The following KLHL7 variants were observed in gnomAD, a reference collection of about 807,000 sequenced individuals.
The protein encoded by KLHL7 is kelch-like protein 7.
KLHL7 carries 44 observed loss-of-function variants against 67.4 expected under a neutral mutation model. The ratio of observed to expected loss-of-function variants is 0.65; its 90% CI spans 0.51 to 0.84. The LOEUF (loss-of-function observed/expected upper bound fraction) is 0.84. Among genes scored for constraint, KLHL7 ranks in the 40% least tolerant of loss-of-function variants. KLHL7 has a pLI of 0.00. For synonymous variants in KLHL7, 252 were observed against 243.3 expected (o/e 1.04, Z -0.33); for missense variants, 362 against 718.1 (o/e 0.50, Z 5.67).
rs1783450434 is a variant in KLHL7, at chr7:23,123,821, A to G, written c.165A>G (p.Ile55Met). 3.7e-6 allele frequency: 6 copies of G among 1,613,802 alleles called. No individual in the cohort carries two copies. The highest frequency in any genetic ancestry group is 1.3e-5 in the African/African-American group (1 of 75,040). ...DVILMVQERK[I>M]PAHRVVLAAA... ...TCCTCATGGTCCAGGAAAGAAAGAT[A>G]CCTGCTCATCGTGTTGTTCTTGCTG... The change falls in exon 2 of 11, where the codon ATA becomes ATG. Residue 55 changes from isoleucine (I) to methionine (M), a missense_variant. Ile to Met is a conservative substitution (Grantham distance 10, BLOSUM62 1). Transcript: ENST00000339077.
intron 1 of KLHL7, among the ~76,000 whole-genome samples, chr7:23,121,097 C>G (rs993598381): frequency 5.3e-5 from 8 of 152,188 alleles, no homozygotes; most frequent in Admixed American, 3.3e-4. Context: ...ATTTAACTTT[C>G]TGTTCCTAGC....
chr7:23,124,638 C>G, intron 2 of KLHL7, 50 bp from the exon 3 acceptor site: 2 of 1,136,546 alleles, frequency 1.8e-6, no homozygotes, highest in Admixed American at 1.7e-5. Flanking sequence ...GTTCCTCAGT[C>G]AAACTTGTGG....
At chr7:23,141,709 T>G (rs996525106) in intron 5 of KLHL7, among the ~76,000 whole-genome samples, 1 of 149,264 alleles carries the variant, frequency 6.7e-6, no homozygotes, top group Non-Finnish European at 1.5e-5. Flanking sequence ...TGCAAGCTCC[T>G]TCTCCCGAGT....
intron 8 of KLHL7, among the ~76,000 whole-genome samples, chr7:23,166,260 A>G (rs1235720581): frequency 2.6e-5 from 4 of 152,198 alleles, no homozygotes; most frequent in African/African-American, 9.6e-5. Context: ...TCAGAGTTCA[A>G]CTTATAGACT....
At chr7:23,137,776 G>C (rs1784032451) in intron 4 of KLHL7, among the ~76,000 whole-genome samples, 2 of 148,140 alleles carry the variant, frequency 1.4e-5, no homozygotes, top group South Asian at 4.4e-4. Context: ...ACCACGCCTG[G>C]CCAGGTTTTA....
Position 23,174,477 on chromosome 7 carries a change from T to G in KLHL7, c.*179T>G. 1.4e-6 allele frequency: 1 copy of G among 730,758 alleles called. No homozygotes were observed. Among genetic ancestry groups the G allele is most frequent in the Non-Finnish European group, 2.4e-6 (1 of 414,528 alleles). 45.3% of individuals were successfully genotyped at this position (730,758 alleles called of 1,614,324 possible). A position where few individuals can be genotyped will look rare whatever the true frequency, so the allele number is the denominator to read the frequency against. On this transcript the variant is annotated 3_prime_UTR_variant, in exon 11 of 11. Transcript: ENST00000339077. ...GGATTTCCTTAATTCAAAGATCATA[T>G]TTTAGCTGGCCACAAAACCAAGAAC... is the stretch of plus-strand genomic sequence containing the variant.
chr7:23,170,458 A>G (rs1208980423), intron 9 of KLHL7, among the ~76,000 whole-genome samples: 1 of 152,240 alleles, frequency 6.6e-6, no homozygotes, highest in African/African-American at 2.4e-5. Flanking sequence ...AGGTTGGTTA[A>G]CAAGTACAGA....
At chr7:23,166,015 C>T (rs858312) in intron 8 of KLHL7, 77 bp downstream of exon 8, 63,238 of 1,467,370 alleles carry the variant, frequency 0.043, 1,664 homozygotes, top group South Asian at 0.083. Context: ...TTTAAATAAA[C>T]AGCTGGTATT....
intron 1 of KLHL7, among the ~76,000 whole-genome samples, chr7:23,118,873 A>G (rs2128458632): frequency 6.6e-6 from 1 of 152,052 alleles, no homozygotes; most frequent in East Asian, 1.9e-4. Context: ...GGAGTTGGAG[A>G]CCAGCCTGGG....
At chr7:23,121,925 G>A (rs56090959) in intron 1 of KLHL7, among the ~76,000 whole-genome samples, 3,401 of 151,940 alleles carry the variant, frequency 0.022, 140 homozygotes, top group African/African-American at 0.077. Context: ...CTTGTGATCC[G>A]CCCGCCTCAG....
At chr7:23,138,430 C>G (rs1373526281) in intron 4 of KLHL7, among the ~76,000 whole-genome samples, 1 of 139,622 alleles carries the variant, frequency 7.2e-6, no homozygotes, top group Non-Finnish European at 1.5e-5. Flanking sequence ...CCACTGCACT[C>G]CAGCCTGGGC....
At chr7:23,172,287 CT>C (rs1238666349) in intron 9 of KLHL7, 2 of 411,798 alleles carry the variant, frequency 4.9e-6, no homozygotes, top group Admixed American at 5.6e-5. Context: ...AATTAATATC[CT>C]TTAACACTTG....
At chr7:23,161,458 A>T (rs1784852333) in intron 7 of KLHL7, among the ~76,000 whole-genome samples, 1 of 152,218 alleles carries the variant, frequency 6.6e-6, no homozygotes, top group Non-Finnish European at 1.5e-5. Flanking sequence ...GCAGTGAATT[A>T]CCTTTATATC....
intron 4 of KLHL7, among the ~76,000 whole-genome samples, chr7:23,132,213 T>C (rs181663835): frequency 6.6e-6 from 1 of 152,320 alleles, no homozygotes; most frequent in Non-Finnish European, 1.5e-5. Context: ...ATTTTTAGTT[T>C]TTTGAGAAAC....
intron 6 of KLHL7, among the ~76,000 whole-genome samples, chr7:23,149,406 A>G (rs1011307643): frequency 1.3e-5 from 2 of 152,188 alleles, no homozygotes; most frequent in Non-Finnish European, 1.5e-5. Context: ...GTTGGTGGAA[A>G]CAGTTCCCTC....
chr7:23,134,178 A>C (rs1426054138), intron 4 of KLHL7, among the ~76,000 whole-genome samples: 1 of 152,156 alleles, frequency 6.6e-6, no homozygotes, highest in Non-Finnish European at 1.5e-5. Flanking sequence ...GAATTTTTTC[A>C]AATGCTTTTT....
rs571342045 is a variant in KLHL7 at position 23,152,278 on chromosome 7, A to G, written c.936+69A>G. On this transcript the variant is annotated intron_variant, in intron 7 of 10. Transcript: ENST00000339077. The stretch of plus-strand genomic sequence containing the variant: ...CACTGAACACATAAGACACTCACCA[A>G]CTAGAAGTAGTAATAACTCATACCT... 54 of 1,418,530 alleles carry G rather than the reference A, an allele frequency of 3.8e-5. 1 individual carries two copies. In the Middle Eastern group the frequency reaches 1.0e-3, roughly 27 times the overall value. 87.9% of individuals were successfully genotyped at this position (1,418,530 alleles called of 1,614,324 possible).
chr7:23,120,583 A>G (rs1783293550), intron 1 of KLHL7, among the ~76,000 whole-genome samples: 1 of 151,756 alleles, frequency 6.6e-6, no homozygotes, highest in Non-Finnish European at 1.5e-5. Flanking sequence ...TTATTATTTT[A>G]TTAGAGACAG....
chr7:23,133,250 A>G (rs1583672189), intron 4 of KLHL7, among the ~76,000 whole-genome samples: 3 of 152,138 alleles, frequency 2.0e-5, no homozygotes, highest in Admixed American at 6.5e-5. Flanking sequence ...CATTTTAGCA[A>G]TATTGATTCT....
Sources: gnomAD v4.1 joint callset for allele counts (sites outside exome capture counted in the v4.1 genomes callset) on GRCh38, gnomAD v4.1.1 for gene constraint, MANE v1.5 for transcripts, NCBI Gene and HGNC (gene_info 2026-07-23, HGNC 2026-07-21) for gene names.